GTF2F1: variants seen among roughly 807,000 people sequenced by gnomAD.
The protein encoded by GTF2F1 is general transcription factor IIF subunit 1, also known as general transcription factor IIF 74 kDa subunit.
In GTF2F1, 39 loss-of-function variants were observed where a neutral mutation model predicts 63.5. The observed-to-expected ratio is 0.61, with a 90% CI of 0.48 to 0.80. GTF2F1 has a LOEUF of 0.80. GTF2F1 is among the 30% of genes least tolerant of loss of function. The probability of loss-of-function intolerance (pLI) is 0.00; values close to 1 mark genes in which losing one functional copy is unlikely to be tolerated. For synonymous variants in GTF2F1, 287 were observed against 285.3 expected, an observed-to-expected ratio of 1.01 and a Z score of -0.06; for missense variants, 657 against 718.3, an observed-to-expected ratio of 0.91 and a Z score of 0.97.
rs1568330000 is a variant in GTF2F1, at chr19:6,383,510, CAG to C, written c.498-17_498-16del. On this transcript the variant is annotated splice_polypyrimidine_tract_variant and intron_variant, in intron 5 of 12. Coordinates refer to ENST00000394456, the MANE Select transcript of GTF2F1 (RefSeq NM_002096.3). The surrounding 1 kb of genome is among the most constrained non-coding windows in gnomAD (Gnocchi z 4.5). Reference sequence around the variant, plus strand: ...CCTTGTTCCTCCTGCGGGCCAGGCACAGGGGGGCTCATGCCGGGCCTGGCACC... The same window carrying C: ...CCTTGTTCCTCCTGCGGGCCAGGCACGGGGGCTCATGCCGGGCCTGGCACC... 4.4e-6 allele frequency: 7 copies of C among 1,609,024 alleles called. No individual in the cohort carries two copies. Among genetic ancestry groups the C allele is most frequent in the Non-Finnish European group, 5.9e-6 (7 of 1,177,204 alleles).
At chr19:6,387,817 C>T (rs1033080355) in intron 4 of GTF2F1, among the ~76,000 whole-genome samples, 1 of 150,804 alleles carries the variant, frequency 6.6e-6, no homozygotes, top group East Asian at 1.9e-4. Flanking sequence ...GAGATTATCT[C>T]AGGAGAGCCC....
At chr19:6,388,568 G>A (rs1273257346) in intron 4 of GTF2F1, among the ~76,000 whole-genome samples, 2 of 152,126 alleles carry the variant, frequency 1.3e-5, no homozygotes, top group Non-Finnish European at 2.9e-5. Context: ...AGCTCCCAGG[G>A]CTGGCCACCT....
Position 6,383,481 on chromosome 19 carries a change from A to G in GTF2F1, c.512T>C (p.Leu171Pro). ...EEEWERRNKVLNHFSIMQQRR... is the reference protein window; with the variant it reads ...EEEWERRNKVPNHFSIMQQRR... ...CTGCTGCATGATGCTGAAGTGGTTC[A>G]GCACCTTGTTCCTCCTGCGGGCCAG... Residue 171 changes from leucine (L) to proline (P), a missense_variant, in exon 6 of 13, where the codon CTG becomes CCG. Transcript: ENST00000394456. The surrounding 1 kb of genome is among the most constrained non-coding windows in gnomAD (Gnocchi z 4.5). 6.2e-7 allele frequency: 1 copy of G among 1,613,644 alleles called. No homozygotes were observed. Among genetic ancestry groups the G allele is most frequent in the East Asian group, 2.2e-5 (1 of 44,868 alleles).
chr19:6,380,918 C>A lies in GTF2F1; in HGVS notation c.1217G>T (p.Ser406Ile). Reference sequence around the variant, plus strand: ...CGGGCACTCACCTTGCTCGAGTTTGCTGGCAGCCGCCCGCAGGGTGGAGGA... The same window carrying A: ...CGGGCACTCACCTTGCTCGAGTTTGATGGCAGCCGCCCGCAGGGTGGAGGA... ...STSSTLRAAA[S>I]KLEQGKRVSE... Residue 406 changes from serine to isoleucine, a missense_variant, in exon 11 of 13, where the codon AGC becomes ATC. By Grantham distance (142) the Ser-to-Ile change is moderately radical. Transcript: ENST00000394456. The surrounding 1 kb of genome is among the most constrained non-coding windows in gnomAD (Gnocchi z 5.3). 1 of 1,565,772 alleles carries A rather than the reference C, an allele frequency of 6.4e-7. No individual in the cohort carries two copies. Among genetic ancestry groups the A allele is most frequent in the East Asian group, 2.3e-5 (1 of 43,226 alleles).
intron 5 of GTF2F1, among the ~76,000 whole-genome samples, chr19:6,385,890 G>A (rs1207516378): frequency 2.6e-5 from 4 of 151,910 alleles, no homozygotes; most frequent in South Asian, 2.1e-4. Flanking sequence ...TCGAGACCAC[G>A]GTGAAACCCC....
At chr19:6,382,999 T>C (rs1184826686) in intron 6 of GTF2F1, among the ~76,000 whole-genome samples, 1 of 151,952 alleles carries the variant, frequency 6.6e-6, no homozygotes, top group East Asian at 1.9e-4. Flanking sequence ...TCTCACGGGT[T>C]CAAGCAATTC....
chr19:6,382,264 G>A (rs1398784125), intron 6 of GTF2F1, among the ~76,000 whole-genome samples: 1 of 152,162 alleles, frequency 6.6e-6, no homozygotes, highest in Non-Finnish European at 1.5e-5. Context: ...GCTGAGGCGG[G>A]AGGATGGCTT....
chr19:6,386,287 C>G (rs1404283921), intron 5 of GTF2F1, among the ~76,000 whole-genome samples: 1 of 151,236 alleles, frequency 6.6e-6, no homozygotes, highest in African/African-American at 2.4e-5. Context: ...ACTTGGGAGG[C>G]TGAGGCAGGA....
Position 6,392,881 on chromosome 19 carries a change from G to A in GTF2F1, c.35C>T (p.Thr12Ile). 6.2e-7 allele frequency: 1 copy of A among 1,614,154 alleles called. No homozygotes were observed. Among genetic ancestry groups the A allele is most frequent in the Non-Finnish European group, 8.5e-7 (1 of 1,179,994 alleles). ...CTTAGGAACTCGAACGACGTATTCA[G>A]TGACATTCTGGCTGCTAGGGCCCTG... Reference protein sequence around the residue: ...AALGPSSQNVTEYVVRVPKNT... With the variant: ...AALGPSSQNVIEYVVRVPKNT... Residue 12 changes from threonine (T) to isoleucine (I), a missense_variant, in exon 2 of 13, where the codon ACT (threonine) becomes ATT (isoleucine). By Grantham distance (89) the Thr-to-Ile change is moderately conservative. This residue lies in a region of GTF2F1 where 602 missense variants were observed against 625.6 expected (regional missense o/e 0.96). Coordinates refer to ENST00000394456, the MANE Select transcript of GTF2F1 (RefSeq NM_002096.3).
At position 6,383,330 on chromosome 19, in the gene GTF2F1, A is replaced by G. The variant is rs1189996917; in HGVS notation, c.663T>C (p.Ser221=). Residue 221 remains serine, a synonymous_variant, in exon 6 of 13, where the codon AGT becomes AGC. Coordinates refer to ENST00000394456, the MANE Select transcript of GTF2F1 (RefSeq NM_002096.3). This position sits in a 1 kb window ranked among gnomAD's most constrained non-coding sequence, Gnocchi z 4.5. ...EDDLEMSSDA[S]DASGEEGGRV... ...ACTCACCCTCCTCACCACTGGCATC[A>G]CTGGCATCGGACGACATCTCCAGGT... 2.5e-6 allele frequency: 4 copies of G among 1,614,064 alleles called. No homozygotes were observed. Among genetic ancestry groups the G allele is most frequent in the Non-Finnish European group, 3.4e-6 (4 of 1,180,042 alleles).
rs776078092 is a variant in GTF2F1, at chr19:6,380,911, G to C, written c.1224C>G (p.Leu408=). ...SSTLRAAASK[L]EQGKRVSEMP... ...GAGGCCACGGGCACTCACCTTGCTCGAGTTTGCTGGCAGCCGCCCGCAGGG... is the reference window on the plus strand; with the variant it reads ...GAGGCCACGGGCACTCACCTTGCTCCAGTTTGCTGGCAGCCGCCCGCAGGG... The change falls in exon 11 of 13, where the codon CTC becomes CTG. Residue 408 remains leucine (L), a synonymous_variant. Transcript: ENST00000394456. The surrounding 1 kb of genome is among the most constrained non-coding windows in gnomAD (Gnocchi z 5.3). 1.3e-6 allele frequency: 2 copies of C among 1,563,444 alleles called. No homozygotes were observed. The highest frequency in any genetic ancestry group is 1.9e-5 in the Admixed American group (1 of 53,934).
At position 6,392,893 on chromosome 19, in the gene GTF2F1, C is replaced by G. The variant is rs1255159492; in HGVS notation, c.23G>C (p.Ser8Thr). The part of the protein sequence containing the change: MAALGPS[S>T]QNVTEYVVRV... ...AACGACGTATTCAGTGACATTCTGG[C>G]TGCTAGGGCCCTGCGGAAAGAGGAA... Residue 8 changes from serine (S) to threonine (T), a missense_variant, in exon 2 of 13, where the codon AGC (serine) becomes ACC (threonine). Transcript: ENST00000394456. The G allele has an allele frequency of 6.2e-7, 1 of 1,614,150 alleles. No individual in the cohort carries two copies. The highest frequency in any genetic ancestry group is 1.1e-5 in the South Asian group (1 of 91,084).
Position 6,389,538 on chromosome 19 carries a change from C to G in GTF2F1, c.232G>C (p.Glu78Gln). 6.2e-7 allele frequency: 1 copy of G among 1,614,258 alleles called. No homozygotes were observed. The highest frequency in any genetic ancestry group is 8.5e-7 in the Non-Finnish European group (1 of 1,180,030). Residue 78 changes from glutamate (E) to glutamine (Q), a missense_variant, in exon 4 of 13, where the codon GAG becomes CAG. Coordinates refer to ENST00000394456, the MANE Select transcript of GTF2F1 (RefSeq NM_002096.3). The stretch of plus-strand genomic sequence containing the variant: ...ATGCCGTACTTCTTCCTCCGAGCCT[C>G]CTCCCGAAGCTTGCGGTTGAACTCA... ...GSEFNRKLREEARRKKYGIVL... is the reference protein window; with the variant it reads ...GSEFNRKLREQARRKKYGIVL...
Position 6,380,613 on chromosome 19 carries a change from T to C in GTF2F1, c.1309A>G (p.Thr437Ala), listed in dbSNP as rs1472419922. ...GTCTTGCCTGATGGTGGCTGGGGTG[T>C]CGACTTCCCAGACAGGCTCTGGGGT... ...TGPQSLSGKS[T>A]PQPPSGKTTP... The change falls in exon 12 of 13, where the codon ACA (threonine) becomes GCA (alanine). Residue 437 changes from threonine (T) to alanine (A), a missense_variant. Around this residue, in one of 2 missense-constraint regions of GTF2F1, gnomAD observed 602 missense variants for 625.6 expected, o/e 0.96. Transcript: ENST00000394456. The surrounding 1 kb of genome is among the most constrained non-coding windows in gnomAD (Gnocchi z 5.3). 2.5e-6 allele frequency: 4 copies of C among 1,613,988 alleles called. No homozygotes were observed. In the Admixed American group the frequency reaches 6.7e-5, roughly 27 times the overall value.
rs781516730 is a variant in GTF2F1 at position 6,381,763 on chromosome 19, G to A, written c.770C>T (p.Ala257Val). ...GTCCCCATCATCGCTGTCCTCGAAG[G>A]CCTCGTCGTCTGAACCCTTCTTCTT... ...KKKKKGSDDE[A>V]FEDSDDGDFE... Residue 257 changes from alanine to valine, a missense_variant, in exon 7 of 13, where the codon GCC becomes GTC. Ala to Val is a moderately conservative substitution (Grantham distance 64). Transcript: ENST00000394456. This position sits in a 1 kb window ranked among gnomAD's most constrained non-coding sequence, Gnocchi z 4.1. 6 of 1,613,990 alleles carry A rather than the reference G, an allele frequency of 3.7e-6. No homozygotes were observed. Among genetic ancestry groups the A allele is most frequent in the African/African-American group, 1.3e-5 (1 of 74,928 alleles).
Position 6,387,416 on chromosome 19 carries a change from G to A in GTF2F1, c.470C>T (p.Ala157Val), listed in dbSNP as rs377008292. 1 of 1,614,098 alleles carries A rather than the reference G, an allele frequency of 6.2e-7. No individual in the cohort carries two copies. The highest frequency in any genetic ancestry group is 1.3e-5 in the African/African-American group (1 of 74,948). ...CTCCCACTCCTCCTCGGCCTCCTCG[G>A]CAGTGAGCGTGCGATGCCGGGCCAG... ...TPLARHRTLT[A>V]EEAEEEWERR... Residue 157 changes from alanine to valine, a missense_variant, in exon 5 of 13, where the codon GCC (alanine) becomes GTC (valine). By Grantham distance (64) the Ala-to-Val change is moderately conservative. Transcript: ENST00000394456.
intron 5 of GTF2F1, chr19:6,386,942 C>G: frequency 5.8e-6 from 1 of 171,842 alleles, no homozygotes; most frequent in South Asian, 1.5e-4. Context: ...CAGCCTCGTC[C>G]CCCTGCCCAC....
Position 6,389,539 on chromosome 19 carries a change from C to T in GTF2F1, c.231G>A (p.Glu77=). ...TGCCGTACTTCTTCCTCCGAGCCTC[C>T]TCCCGAAGCTTGCGGTTGAACTCAC... is the stretch of plus-strand genomic sequence containing the variant. ...AGSEFNRKLR[E]EARRKKYGIV... Residue 77 remains glutamate (E), a synonymous_variant, in exon 4 of 13, where the codon GAG becomes GAA. Transcript: ENST00000394456. 1 of 1,614,246 alleles carries T rather than the reference C, an allele frequency of 6.2e-7. No individual in the cohort carries two copies. The highest frequency in any genetic ancestry group is 1.6e-4 in the Middle Eastern group (1 of 6,062).
At chr19:6,382,950 G>A (rs1029873172) in intron 6 of GTF2F1, among the ~76,000 whole-genome samples, 1 of 152,092 alleles carries the variant, frequency 6.6e-6, no homozygotes, top group Non-Finnish European at 1.5e-5. Flanking sequence ...TGCCCAGGCT[G>A]GAGTCCAGTG....
Sources: gnomAD v4.1 joint callset for allele counts (sites outside exome capture counted in the v4.1 genomes callset) on GRCh38, gnomAD v4.1.1 for gene constraint, gnomAD v4.1.1 regional missense constraint, Gnocchi (gnomAD v3.1) non-coding constraint, MANE v1.5 for transcripts, NCBI Gene and HGNC (gene_info 2026-07-23, HGNC 2026-07-21) for gene names.